The following CTBP2 variants were observed in gnomAD, a reference collection of about 807,000 sequenced individuals.
The protein encoded by CTBP2 is C-terminal-binding protein 2.
In CTBP2, 30 loss-of-function variants were observed where a neutral mutation model predicts 80.3. The ratio of observed to expected loss-of-function variants is 0.37; its 90% CI spans 0.28 to 0.51. CTBP2 has a LOEUF of 0.51. CTBP2 is among the 20% of genes least tolerant of loss of function. The probability of loss-of-function intolerance (pLI) is 0.93; values close to 1 mark genes in which losing one functional copy is unlikely to be tolerated. For synonymous variants in CTBP2, 594 were observed against 587.4 expected (o/e 1.01, Z -0.16); for missense variants, 1,212 against 1,375.3 (o/e 0.88, Z 1.88).
At chr10:125,011,522 G>A (rs759115346) in intron 1 of CTBP2, among the ~76,000 whole-genome samples, 2 of 152,168 alleles carry the variant, frequency 1.3e-5, no homozygotes, top group Admixed American at 6.5e-5. Flanking sequence ...TGTTAATAAC[G>A]AAGAGCATGT....
intron 1 of CTBP2, among the ~76,000 whole-genome samples, chr10:125,020,636 C>T (rs570578644): frequency 2.0e-4 from 30 of 152,296 alleles, no homozygotes; most frequent in Non-Finnish European, 3.8e-4. Context: ...CCTCATTCAC[C>T]ACCTGCTCTG....
At chr10:125,037,541 G>A (rs957925849) in intron 3 of CTBP2, among the ~76,000 whole-genome samples, 2 of 152,188 alleles carry the variant, frequency 1.3e-5, no homozygotes, top group Admixed American at 6.5e-5. Context: ...AAATCAATGG[G>A]GCCTGGGCTC....
At chr10:125,105,699 G>C (rs1276063995) in intron 2 of CTBP2, among the ~76,000 whole-genome samples, 1 of 152,024 alleles carries the variant, frequency 6.6e-6, no homozygotes, top group East Asian at 1.9e-4. Context: ...ACAAGTTATT[G>C]GTCTAATGCA....
intron 2 of CTBP2, among the ~76,000 whole-genome samples, chr10:125,096,755 T>G: frequency 7.5e-6 from 1 of 133,738 alleles, no homozygotes; most frequent in South Asian, 2.5e-4. Flanking sequence ...AGAGACTTGT[T>G]TGGTGGAATT....
chr10:125,145,909 T>C (rs1318640182), intron 1 of CTBP2, among the ~76,000 whole-genome samples: 1 of 152,040 alleles, frequency 6.6e-6, no homozygotes, highest in African/African-American at 2.4e-5. Flanking sequence ...CATTTTGCTT[T>C]TCCAAGTGAG....
chr10:125,062,453 G>C (rs549867686), intron 2 of CTBP2, among the ~76,000 whole-genome samples: 1 of 78,700 alleles, frequency 1.3e-5, no homozygotes, highest in Non-Finnish European at 2.1e-5. Flanking sequence ...TGTAACGTGG[G>C]GACAACTCTG....
intron 2 of CTBP2, among the ~76,000 whole-genome samples, chr10:125,065,266 T>C (rs1466856738): frequency 6.6e-6 from 1 of 152,226 alleles, no homozygotes; most frequent in Non-Finnish European, 1.5e-5. Context: ...TGGGGCACTC[T>C]GCTTGAACTC....
At chr10:125,078,984 CAA>C (rs59556429) in intron 2 of CTBP2, among the ~76,000 whole-genome samples, 8 of 129,954 alleles carry the variant, frequency 6.2e-5, no homozygotes, top group South Asian at 2.5e-4. Flanking sequence ...ACTAAAAATA[CAA>C]AAAAAAAAAA....
chr10:125,122,352 C>T (rs1364956705), intron 1 of CTBP2, among the ~76,000 whole-genome samples: 2 of 152,200 alleles, frequency 1.3e-5, no homozygotes, highest in African/African-American at 4.8e-5. Flanking sequence ...GCAGGGCAAG[C>T]GTGCTTTCTG....
Position 125,027,877 on chromosome 10 carries a change from C to T in CTBP2, c.-118G>A. ...AACCCTTCCGAGACGGCAGGGACAACCAACTGGGGGTTTTCTGTTTCAAAG... is the reference window on the plus strand; with the variant it reads ...AACCCTTCCGAGACGGCAGGGACAATCAACTGGGGGTTTTCTGTTTCAAAG... On this transcript the variant is annotated 5_prime_UTR_variant, in exon 1 of 9. Coordinates refer to ENST00000309035, the MANE Select transcript of CTBP2 (RefSeq NM_022802.3). 1 of 1,427,942 alleles carries T rather than the reference C, an allele frequency of 7.0e-7. No individual in the cohort carries two copies. The highest frequency in any genetic ancestry group is 1.5e-5 in the South Asian group (1 of 65,380). 88.5% of individuals were successfully genotyped at this position (1,427,942 alleles called of 1,614,324 possible).
intron 2 of CTBP2, among the ~76,000 whole-genome samples, chr10:125,052,224 A>C (rs1175195595): frequency 6.6e-6 from 1 of 152,156 alleles, no homozygotes; most frequent in Non-Finnish European, 1.5e-5. Context: ...CTTTATTAAA[A>C]AGCTCCAAGT....
intron 6 of CTBP2, 30 bp downstream of exon 8, chr10:124,993,825 C>T: frequency 1.3e-6 from 2 of 1,598,260 alleles, no homozygotes; most frequent in Non-Finnish European, 1.7e-6. Context: ...GCCCTGTGGG[C>T]TCCTGGTAGG....
At chr10:125,063,673 G>C (rs934571112) in intron 2 of CTBP2, among the ~76,000 whole-genome samples, 2 of 152,188 alleles carry the variant, frequency 1.3e-5, no homozygotes, top group African/African-American at 4.8e-5. Context: ...ACTCAATGGT[G>C]GTTTAACTAC....
chr10:125,127,081 C>A (rs1459515829), intron 1 of CTBP2, among the ~76,000 whole-genome samples: 1 of 152,232 alleles, frequency 6.6e-6, no homozygotes, highest in Non-Finnish European at 1.5e-5. Flanking sequence ...CCGAGTGTTA[C>A]ACGAAGTAGG....
intron 1 of CTBP2, among the ~76,000 whole-genome samples, chr10:125,131,475 G>A (rs1317873091): frequency 6.6e-6 from 1 of 152,190 alleles, no homozygotes; most frequent in African/African-American, 2.4e-5. Context: ...GAGCAAGAAT[G>A]AGTGAAGTGA....
intron 1 of CTBP2, among the ~76,000 whole-genome samples, chr10:125,019,393 C>G (rs1193184896): frequency 6.6e-6 from 1 of 152,062 alleles, no homozygotes; most frequent in Non-Finnish European, 1.5e-5. Context: ...AGAATTCTGG[C>G]TTCGTATGTT....
rs572892415 is a variant in CTBP2, at chr10:125,066,282, C to T, written c.-101-27127G>A. Among the ~76,000 whole-genome samples the T allele has an allele frequency of 1.3e-5, 2 of 152,204 alleles. No homozygotes were observed. The highest frequency in any genetic ancestry group is 4.1e-4 in the South Asian group (2 of 4,820). On this transcript the variant is annotated intron_variant, in intron 2 of 10. Coordinates refer to the CTBP2 transcript ENST00000337195. The surrounding 1 kb of genome is among the most constrained non-coding windows in gnomAD (Gnocchi z 4.1). Reference sequence around the variant, plus strand: ...CCAAGCCACATCCCAAATCCTAACCCCAGCAGAGCCAGAGACTCAATGCTT... The same window carrying T: ...CCAAGCCACATCCCAAATCCTAACCTCAGCAGAGCCAGAGACTCAATGCTT...
At chr10:125,109,355 C>T (rs1851937911) in intron 2 of CTBP2, among the ~76,000 whole-genome samples, 1 of 152,182 alleles carries the variant, frequency 6.6e-6, no homozygotes, top group Non-Finnish European at 1.5e-5. Flanking sequence ...ATGACCCAAC[C>T]CACTGAAAAC....
Position 125,066,943 on chromosome 10 carries a change from C to T in CTBP2, c.-101-27788G>A, listed in dbSNP as rs973080009. ...ATGGAAAAGTCTTTGGTCAGCTGAA[C>T]GCAGGCAAGGCTGCTGAATTCCTGA... On this transcript the variant is annotated intron_variant, in intron 2 of 10. Transcript: ENST00000337195. The surrounding 1 kb of genome is among the most constrained non-coding windows in gnomAD (Gnocchi z 4.1). Among the ~76,000 whole-genome samples, 3 of 152,124 alleles carry T rather than the reference C, an allele frequency of 2.0e-5. No homozygotes were observed. The highest frequency in any genetic ancestry group is 4.8e-5 in the African/African-American group (2 of 41,402).
Sources: gnomAD v4.1 joint callset for allele counts (sites outside exome capture counted in the v4.1 genomes callset) on GRCh38, gnomAD v4.1.1 for gene constraint, Gnocchi (gnomAD v3.1) non-coding constraint, MANE v1.5 for transcripts, NCBI Gene and HGNC (gene_info 2026-07-23, HGNC 2026-07-21) for gene names.